BBX: variants seen among roughly 807,000 people sequenced by gnomAD.
BBX encodes the protein BBX high mobility group box domain containing, also known as HMG box transcription factor BBX.
Under a neutral mutation model 100.2 loss-of-function variants are expected in BBX, and 30 were observed. The observed-to-expected ratio is 0.30, with a 90% CI of 0.22 to 0.41. The LOEUF (loss-of-function observed/expected upper bound fraction) is 0.41. BBX is among the 10% of genes least tolerant of loss of function. The probability of loss-of-function intolerance (pLI) is 1.00; values close to 1 mark genes in which losing one functional copy is unlikely to be tolerated. For missense variants in BBX, 1,023 were observed against 1,129.8 expected (o/e 0.91, Z 1.35); for synonymous variants, 376 against 388.1 (o/e 0.97, Z 0.37).
At chr3:107,548,839 G>A (rs1299141163) in intron 2 of BBX, among the ~76,000 whole-genome samples, 2 of 152,314 alleles carry the variant, frequency 1.3e-5, no homozygotes, top group South Asian at 2.1e-4. Context: ...GTCCTTTGCA[G>A]CAACATTGAT....
chr3:107,623,115 G>T (rs116795940), intron 2 of BBX, among the ~76,000 whole-genome samples: 2,397 of 152,230 alleles, frequency 0.016, 54 homozygotes, highest in Admixed American at 0.05. Flanking sequence ...CTCTGCCATC[G>T]ACGCAGTGCT....
intron 2 of BBX, among the ~76,000 whole-genome samples, chr3:107,594,566 T>C (rs1304350301): frequency 6.6e-6 from 1 of 152,206 alleles, no homozygotes; most frequent in Non-Finnish European, 1.5e-5. Context: ...AGAGTCAGGC[T>C]GCTTAGCTTC....
chr3:107,713,029 C>T (rs1265034171), intron 4 of BBX, among the ~76,000 whole-genome samples: 1 of 152,190 alleles, frequency 6.6e-6, no homozygotes, highest in African/African-American at 2.4e-5. Flanking sequence ...CCCATAGCCA[C>T]TTCAAATTCA....
intron 2 of BBX, among the ~76,000 whole-genome samples, chr3:107,557,766 T>C (rs1406416455): frequency 6.6e-6 from 1 of 152,246 alleles, no homozygotes; most frequent in Non-Finnish European, 1.5e-5. Flanking sequence ...TTAGTTATTG[T>C]ATGTAGTACA....
intron 10 of BBX, among the ~76,000 whole-genome samples, chr3:107,768,983 T>C (rs1237063337): frequency 9.7e-6 from 1 of 103,560 alleles, no homozygotes; most frequent in East Asian, 3.2e-4. Flanking sequence ...CATAGCAAGA[T>C]GCCTATTCTC....
chr3:107,769,227 T>TAGATAGATAGATAGATAGACAGAC (rs776680873), intron 10 of BBX, among the ~76,000 whole-genome samples: 1 of 89,786 alleles, frequency 1.1e-5, no homozygotes, highest in African/African-American at 3.9e-5. Flanking sequence ...GATAGATAGA[T>TAGATAGATAGATAGATAGACAGAC]AGACAGATAG....
intron 1 of BBX, chr3:107,524,424 TTTTA>T (rs1317133716): frequency 1.3e-5 from 2 of 152,040 alleles, no homozygotes; most frequent in African/African-American, 2.4e-5. Flanking sequence ...TATTATCATA[TTTTA>T]TTTATTTTTT....
chr3:107,752,075 TACACCTAGA>T (rs2065120884), intron 9 of BBX, among the ~76,000 whole-genome samples: 1 of 152,358 alleles, frequency 6.6e-6, no homozygotes, highest in South Asian at 2.1e-4. Flanking sequence ...GGCTCACTCT[TACACCTAGA>T]GTATATCTTT....
At chr3:107,792,199 G>T (rs2069132644) in intron 15 of BBX, among the ~76,000 whole-genome samples, 1 of 152,158 alleles carries the variant, frequency 6.6e-6, no homozygotes, top group South Asian at 2.1e-4. Flanking sequence ...CCTTCTTCCT[G>T]TTGATTCTCT....
At chr3:107,702,209 A>T (rs569136154) in intron 3 of BBX, among the ~76,000 whole-genome samples, 5 of 152,242 alleles carry the variant, frequency 3.3e-5, no homozygotes, top group Non-Finnish European at 5.9e-5. Flanking sequence ...GTGAAACTAT[A>T]AGAGAGCCAG....
chr3:107,751,375 G>A (rs2065064832), intron 9 of BBX, among the ~76,000 whole-genome samples: 1 of 152,058 alleles, frequency 6.6e-6, no homozygotes, highest in South Asian at 2.1e-4. Context: ...AACTATTTCC[G>A]TTCATTTTAT....
intron 9 of BBX, among the ~76,000 whole-genome samples, chr3:107,754,201 C>G (rs754486851): frequency 6.6e-6 from 1 of 152,144 alleles, no homozygotes; most frequent in Non-Finnish European, 1.5e-5. Context: ...AAGGCACTGG[C>G]ATTTATGTTC....
At chr3:107,730,418 A>T (rs567269316) in intron 6 of BBX, among the ~76,000 whole-genome samples, 1 of 151,798 alleles carries the variant, frequency 6.6e-6, no homozygotes, top group African/African-American at 2.4e-5. Flanking sequence ...TTTGGTCATC[A>T]TGTAACATCC....
intron 17 of BBX, among the ~76,000 whole-genome samples, chr3:107,804,024 AGCATTTT>A (rs1398364322): frequency 8.6e-5 from 13 of 151,454 alleles, no homozygotes; most frequent in Admixed American, 8.5e-4. Context: ...AGTAAAAAGT[AGCATTTT>A]AATTTCATCT....
chr3:107,602,442 T>C (rs924515538), intron 2 of BBX, among the ~76,000 whole-genome samples: 17 of 152,094 alleles, frequency 1.1e-4, no homozygotes, highest in African/African-American at 4.1e-4. Flanking sequence ...TGGCCAGACA[T>C]GGTGGCTCAC....
At chr3:107,747,698 T>C (rs1051614230) in intron 8 of BBX, among the ~76,000 whole-genome samples, 1 of 152,068 alleles carries the variant, frequency 6.6e-6, no homozygotes, top group Non-Finnish European at 1.5e-5. Flanking sequence ...ACAGGTCTCC[T>C]TAACTGCTGT....
intron 3 of BBX, chr3:107,662,633 A>G: frequency 7.1e-6 from 1 of 140,736 alleles, no homozygotes; most frequent in South Asian, 2.4e-4. Flanking sequence ...CTGAAATATA[A>G]CAAGTCTGGG....
intron 13 of BBX, among the ~76,000 whole-genome samples, chr3:107,787,751 GA>G (rs1299904484): frequency 1.3e-5 from 2 of 152,190 alleles, no homozygotes; most frequent in Non-Finnish European, 2.9e-5. Context: ...AGAGTGGTCT[GA>G]AGATAGTTAA....
At chr3:107,602,574 T>C (rs560429080) in intron 2 of BBX, among the ~76,000 whole-genome samples, 9 of 152,242 alleles carry the variant, frequency 5.9e-5, no homozygotes, top group Admixed American at 3.9e-4. Context: ...TGGTGATTCA[T>C]TGGGAGGAGG....
Sources: gnomAD v4.1 joint callset for allele counts (sites outside exome capture counted in the v4.1 genomes callset) on GRCh38, gnomAD v4.1.1 for gene constraint, MANE v1.5 for transcripts, NCBI Gene and HGNC (gene_info 2026-07-23, HGNC 2026-07-21) for gene names.